Variants in GRID2 observed in about 807,000 individuals in gnomAD.
GRID2 encodes the protein glutamate receptor ionotropic, delta-2.
Under a neutral mutation model 114.8 loss-of-function variants are expected in GRID2, and 33 were observed. The ratio of observed to expected loss-of-function variants is 0.29; its 90% CI spans 0.22 to 0.38. The LOEUF (loss-of-function observed/expected upper bound fraction) is 0.38. Among genes scored for constraint, GRID2 ranks in the 10% least tolerant of loss-of-function variants. The probability of loss-of-function intolerance (pLI) is 1.00; values close to 1 mark genes in which losing one functional copy is unlikely to be tolerated. For synonymous variants in GRID2, 505 were observed against 449.9 expected (o/e 1.12, Z -1.55); for missense variants, 1,184 against 1,257.7 (o/e 0.94, Z 0.89).
chr4:92,859,705 G>C (rs1235044078), intron 2 of GRID2, among the ~76,000 whole-genome samples: 1 of 152,064 alleles, frequency 6.6e-6, no homozygotes, highest in Non-Finnish European at 1.5e-5. Context: ...CCTTAACAAA[G>C]AGAATAAAGG....
intron 9 of GRID2, among the ~76,000 whole-genome samples, chr4:93,418,138 A>T (rs1452916099): frequency 6.6e-6 from 1 of 151,762 alleles, no homozygotes; most frequent in Non-Finnish European, 1.5e-5. Flanking sequence ...AGCAGGAGTG[A>T]ATGCTATTCA....
intron 1 of GRID2, among the ~76,000 whole-genome samples, chr4:92,343,875 T>C (rs1048617732): frequency 6.6e-6 from 1 of 152,318 alleles, no homozygotes; most frequent in East Asian, 1.9e-4. Flanking sequence ...CTCCCAGCTA[T>C]ATATGTATTA....
intron 1 of GRID2, among the ~76,000 whole-genome samples, chr4:92,335,697 A>G (rs1288134798): frequency 6.6e-6 from 1 of 152,220 alleles, no homozygotes; most frequent in Non-Finnish European, 1.5e-5. Context: ...TTACTGGGGA[A>G]TATTTTCTGC....
rs1737227999 is a variant in GRID2 at position 93,156,826 on chromosome 4, G to A, written c.735+45873G>A. On this transcript the variant is annotated intron_variant, in intron 4 of 15. Coordinates refer to ENST00000282020, the MANE Select transcript of GRID2 (RefSeq NM_001510.4). ...TTTGAAACTTATCGGCCTATTGGTG[G>A]TTTTTAAAGGACTAACTGTGGACAA... 2.6e-5 allele frequency among the ~76,000 whole-genome samples: 4 copies of A among 151,644 alleles called. No individual in the cohort carries two copies. The Admixed American group carries it at 2.6e-4, about 10-fold the overall frequency.
chr4:93,747,278 C>T (rs1254822416), intron 14 of GRID2, among the ~76,000 whole-genome samples: 1 of 152,054 alleles, frequency 6.6e-6, no homozygotes, highest in Non-Finnish European at 1.5e-5. Flanking sequence ...GTTGAAAGAC[C>T]GTTCCAAAAT....
At chr4:92,618,784 G>A (rs747457828) in intron 2 of GRID2, among the ~76,000 whole-genome samples, 1 of 151,598 alleles carries the variant, frequency 6.6e-6, no homozygotes, top group African/African-American at 2.4e-5. Context: ...TATTACTTTT[G>A]TATCTCCTGT....
intron 2 of GRID2, among the ~76,000 whole-genome samples, chr4:92,791,965 T>C (rs552146683): frequency 1.3e-5 from 2 of 151,968 alleles, no homozygotes; most frequent in African/African-American, 4.8e-5. Context: ...ATGTAATATA[T>C]GGATATACTT....
chr4:93,504,765 G>A (rs964042038), intron 12 of GRID2, among the ~76,000 whole-genome samples: 1 of 151,590 alleles, frequency 6.6e-6, no homozygotes, highest in Non-Finnish European at 1.5e-5. Flanking sequence ...CTACTTAGAA[G>A]GTTCACAAAT....
At chr4:92,590,311 GT>G in intron 2 of GRID2, 25 bp downstream of exon 2, 3 of 1,560,598 alleles carry the variant, frequency 1.9e-6, no homozygotes, top group Admixed American at 1.9e-5. Flanking sequence ...ATTTATTTTG[GT>G]TTTTTGGTTC....
chr4:93,367,204 GT>G (rs5860328), intron 8 of GRID2, among the ~76,000 whole-genome samples: 59 of 132,480 alleles, frequency 4.5e-4, no homozygotes, highest in Middle Eastern at 4.2e-3. Context: ...TTTTTTTTAA[GT>G]TTTTTTTTTT....
intron 1 of GRID2, among the ~76,000 whole-genome samples, chr4:92,448,418 C>T (rs540196419): frequency 2.0e-5 from 3 of 152,168 alleles, no homozygotes; most frequent in South Asian, 2.1e-4. Context: ...CCTCCTACTT[C>T]GGCCTCCCAA....
rs113091240 is a variant in GRID2 at position 93,710,305 on chromosome 4, A to G, written c.2361-58905A>G. Among the ~76,000 whole-genome samples, 680 of 152,352 alleles carry G rather than the reference A, an allele frequency of 4.5e-3. 6 individuals carry two copies. Among genetic ancestry groups the G allele is most frequent in the African/African-American group, 0.015 (621 of 41,576 alleles). On this transcript the variant is annotated intron_variant, in intron 14 of 15. Transcript: ENST00000282020. ...ATACATTAGGGGGCACCCCAAGCCC[A>G]GTAATGCTGTGACCTTGCAGCCTGT...
chr4:92,759,427 C>T, intron 2 of GRID2, among the ~76,000 whole-genome samples: 1 of 151,954 alleles, frequency 6.6e-6, no homozygotes, highest in East Asian at 1.9e-4. Context: ...ATATTTAAGG[C>T]CTAATTCAAA....
At chr4:92,410,506 C>G (rs1731247966) in intron 1 of GRID2, among the ~76,000 whole-genome samples, 3 of 152,150 alleles carry the variant, frequency 2.0e-5, no homozygotes, top group Admixed American at 2.0e-4. Flanking sequence ...TAAGATTGAA[C>G]AATTTGGACA....
At chr4:93,747,689 G>A (rs2110272982) in intron 14 of GRID2, among the ~76,000 whole-genome samples, 1 of 151,160 alleles carries the variant, frequency 6.6e-6, no homozygotes. Flanking sequence ...TATGTAAAAT[G>A]TTTTTAGTCA....
chr4:93,078,867 T>C (rs1578926713), intron 2 of GRID2, among the ~76,000 whole-genome samples: 1 of 147,080 alleles, frequency 6.8e-6, no homozygotes, highest in African/African-American at 2.5e-5. Context: ...AATTATATCA[T>C]ATAATTGTAT....
intron 2 of GRID2, among the ~76,000 whole-genome samples, chr4:92,944,903 T>C (rs1026988297): frequency 2.0e-5 from 3 of 152,160 alleles, no homozygotes; most frequent in Non-Finnish European, 4.4e-5. Context: ...ATGTTCTGAT[T>C]ATAGAACAGT....
chr4:92,987,863 G>A, intron 2 of GRID2, among the ~76,000 whole-genome samples: 1 of 151,926 alleles, frequency 6.6e-6, no homozygotes, highest in Admixed American at 6.6e-5. Context: ...GAGTAATAAG[G>A]CAATATTTAA....
chr4:93,379,821 G>A (rs1008418672), intron 8 of GRID2, among the ~76,000 whole-genome samples: 2 of 151,990 alleles, frequency 1.3e-5, no homozygotes, highest in African/African-American at 4.8e-5. Flanking sequence ...CAACAGTTTG[G>A]TAAGTACTTT....
Sources: allele counts gnomAD v4.1 joint callset (sites outside exome capture counted in the v4.1 genomes callset), GRCh38; gene constraint gnomAD v4.1.1; transcripts MANE v1.5; gene names NCBI Gene and HGNC (gene_info 2026-07-23, HGNC 2026-07-21).